SHB: variants seen among roughly 807,000 people sequenced by gnomAD.
SHB encodes the protein SH2 domain-containing adapter protein B.
Under a neutral mutation model 52.3 loss-of-function variants are expected in SHB, and 20 were observed. The observed-to-expected ratio is 0.38, with a 90% CI of 0.27 to 0.56. SHB has a LOEUF of 0.56. Ranked by LOEUF, SHB falls within the 20% of genes least tolerant of loss-of-function variation. SHB has a pLI of 0.71. For missense variants in SHB, 825 were observed against 723.3 expected (o/e 1.14, Z -1.61); for synonymous variants, 397 against 316.5 (o/e 1.25, Z -2.70).
intron 1 of SHB, among the ~76,000 whole-genome samples, chr9:38,041,453 G>C (rs1257959359): frequency 3.3e-5 from 5 of 152,198 alleles, no homozygotes; most frequent in African/African-American, 1.2e-4. Flanking sequence ...ACAGAGTTTT[G>C]CCAACTAGCA....
At chr9:37,988,996 A>C (rs1421871680) in intron 2 of SHB, among the ~76,000 whole-genome samples, 1 of 151,908 alleles carries the variant, frequency 6.6e-6, no homozygotes, top group East Asian at 1.9e-4. Context: ...TTACTAACTT[A>C]CCAACAAATT....
chr9:38,068,057 C>G lies in SHB; in HGVS notation c.589G>C (p.Gly197Arg). ...GCGCAGGCGCCCCCCAGGGGGTCCC[C>G]GGCCCCACCGCCCGCGGCGCTCTCC... ...KVESAAGGGAGDPLGGACAGG... is the reference protein window; with the variant it reads ...KVESAAGGGARDPLGGACAGG... The change falls in exon 1 of 6, where the codon GGG becomes CGG. Residue 197 changes from glycine (G) to arginine (R), a missense_variant. Coordinates refer to ENST00000377707, the MANE Select transcript of SHB (RefSeq NM_003028.3). 1 of 1,492,312 alleles carries G rather than the reference C, an allele frequency of 6.7e-7. No individual in the cohort carries two copies. Among genetic ancestry groups the G allele is most frequent in the East Asian group, 2.7e-5 (1 of 37,120 alleles). The allele number at this position is 1,492,312 out of a possible 1,614,324, so 92.4% of individuals were successfully genotyped here. A position where few individuals can be genotyped will look rare whatever the true frequency, so the allele number is the denominator to read the frequency against.
chr9:37,938,638 C>T (rs1024016650), intron 5 of SHB, among the ~76,000 whole-genome samples: 1 of 152,156 alleles, frequency 6.6e-6, no homozygotes, highest in Admixed American at 6.5e-5. Context: ...TGGGCTGATA[C>T]GAGACAATTA....
At chr9:38,001,495 T>C (rs1187563147) in intron 2 of SHB, among the ~76,000 whole-genome samples, 2 of 152,232 alleles carry the variant, frequency 1.3e-5, no homozygotes, top group Non-Finnish European at 2.9e-5. Context: ...CTTTGTGGGC[T>C]GGGGAGAGCC....
intron 1 of SHB, among the ~76,000 whole-genome samples, chr9:38,038,782 C>T (rs558941061): frequency 1.9e-4 from 29 of 152,184 alleles, no homozygotes; most frequent in East Asian, 1.2e-3. Flanking sequence ...TAGGAGGCCC[C>T]GGGGGTGGGG....
intron 1 of SHB, among the ~76,000 whole-genome samples, chr9:38,051,055 C>T (rs1434924030): frequency 1.3e-5 from 2 of 152,182 alleles, no homozygotes; most frequent in Admixed American, 6.5e-5. Context: ...AACAGTTTGC[C>T]TGGATAAAGA....
chr9:37,985,926 CAG>C (rs1820801828), intron 2 of SHB, among the ~76,000 whole-genome samples: 1 of 152,246 alleles, frequency 6.6e-6, no homozygotes, highest in Non-Finnish European at 1.5e-5. Context: ...ATCCTCAAAA[CAG>C]AGAGGCAAGA....
rs560736622 is a variant in SHB, at chr9:37,947,855, C to G, written c.1346+780G>C. Among the ~76,000 whole-genome samples the G allele has an allele frequency of 5.2e-3, 796 of 152,312 alleles. 6 individuals are homozygous for G. The highest frequency in any genetic ancestry group is 0.019 in the African/African-American group (769 of 41,564). On this transcript the variant is annotated intron_variant, in intron 5 of 5. Coordinates refer to ENST00000377707, the MANE Select transcript of SHB (RefSeq NM_003028.3). ...TGGGGGATCTGTGCTGGCTGAAGAG[C>G]CTGGGTTTACACCCCAGTTATGTCA...
intron 1 of SHB, among the ~76,000 whole-genome samples, chr9:38,034,350 GAC>G (rs1358486522): frequency 6.6e-6 from 1 of 152,228 alleles, no homozygotes; most frequent in Non-Finnish European, 1.5e-5. Context: ...AGGCTGCAAG[GAC>G]AGTGATAATG....
intron 1 of SHB, among the ~76,000 whole-genome samples, chr9:38,022,179 C>CCT (rs1821289680): frequency 6.6e-6 from 1 of 152,156 alleles, no homozygotes; most frequent in African/African-American, 2.4e-5. Context: ...TGAAGTTGTG[C>CCT]CTCCCCTCAT....
At chr9:37,953,284 A>G (rs939551069) in intron 4 of SHB, among the ~76,000 whole-genome samples, 1 of 152,120 alleles carries the variant, frequency 6.6e-6, no homozygotes, top group Non-Finnish European at 1.5e-5. Flanking sequence ...CATTCACGCA[A>G]CAGCTATTTA....
chr9:37,998,060 G>A (rs1460076313), intron 2 of SHB, among the ~76,000 whole-genome samples: 1 of 152,252 alleles, frequency 6.6e-6, no homozygotes, highest in African/African-American at 2.4e-5. Context: ...GCATTCTGCT[G>A]TGGTGGAGCT....
At chr9:38,026,099 AC>A (rs1821338638) in intron 1 of SHB, among the ~76,000 whole-genome samples, 3 of 152,240 alleles carry the variant, frequency 2.0e-5, no homozygotes, top group African/African-American at 7.2e-5. Context: ...TCTCACGGTA[AC>A]GTAAGGCTCT....
intron 3 of SHB, among the ~76,000 whole-genome samples, chr9:37,971,086 C>T (rs781502478): frequency 4.6e-5 from 7 of 152,128 alleles, no homozygotes; most frequent in Non-Finnish European, 1.0e-4. Flanking sequence ...TCCCAAAAGC[C>T]AAGAAAAAAC....
intron 1 of SHB, among the ~76,000 whole-genome samples, chr9:38,039,790 G>A (rs1027740862): frequency 1.3e-5 from 2 of 152,240 alleles, no homozygotes; most frequent in Non-Finnish European, 1.5e-5. Flanking sequence ...CTGCCTCAGC[G>A]AGGGCAGCGG....
intron 1 of SHB, among the ~76,000 whole-genome samples, chr9:38,063,169 C>G (rs537793323): frequency 6.6e-6 from 1 of 152,338 alleles, no homozygotes; most frequent in African/African-American, 2.4e-5. Flanking sequence ...AGCCAAACCA[C>G]AGCTATCAAG....
intron 5 of SHB, among the ~76,000 whole-genome samples, chr9:37,935,425 T>C (rs1035498580): frequency 1.3e-5 from 2 of 152,166 alleles, no homozygotes; most frequent in African/African-American, 4.8e-5. Context: ...GCTTGCTCTC[T>C]GGCAGACTGG....
chr9:37,981,493 ACT>A (rs1019332151), intron 2 of SHB, among the ~76,000 whole-genome samples: 30 of 113,232 alleles, frequency 2.6e-4, no homozygotes, highest in African/African-American at 1.1e-3. Flanking sequence ...TCTAGACCAA[ACT>A]CTCTCTCTAA....
chr9:37,974,796 T>C lies in SHB; in HGVS notation c.880A>G (p.Ile294Val), dbSNP rs538021217. The change falls in exon 3 of 6, where the codon ATC becomes GTC. Residue 294 changes from isoleucine to valine, a missense_variant. By Grantham distance (29) the Ile-to-Val change is conservative (BLOSUM62 3). Transcript: ENST00000377707. ...QESVRSQHKG[I>V]QLYDTPYEPE... ...TCGTAAGGGGTGTCATATAACTGGA[T>C]ACCTTTATGCTGGGACCGGACACTT... The C allele has an allele frequency of 2.5e-6, 4 of 1,614,128 alleles. No individual in the cohort carries two copies. The highest frequency in any genetic ancestry group is 4.5e-5 in the East Asian group (2 of 44,876).
Sources: allele counts gnomAD v4.1 joint callset (sites outside exome capture counted in the v4.1 genomes callset), GRCh38; gene constraint gnomAD v4.1.1; transcripts MANE v1.5; gene names NCBI Gene and HGNC (gene_info 2026-07-23, HGNC 2026-07-21).